Variants in CEP89 observed in about 807,000 individuals in gnomAD.
CEP89 encodes centrosomal protein of 89 kDa.
CEP89 carries 95 observed loss-of-function variants against 97.6 expected under a neutral mutation model. The ratio of observed to expected loss-of-function variants is 0.97; its 90% CI spans 0.82 to 1.15. CEP89 has a LOEUF of 1.15. Ranked by LOEUF, CEP89 falls within the 50% of genes most tolerant of loss-of-function variation. The pLI is 0.00. For missense variants in CEP89, 869 were observed against 947.7 expected (o/e 0.92, Z 1.09); for synonymous variants, 354 against 349.1 (o/e 1.01, Z -0.16).
At chr19:32,899,368 A>T (rs1014700163) in intron 16 of CEP89, among the ~76,000 whole-genome samples, 1 of 152,186 alleles carries the variant, frequency 6.6e-6, no homozygotes, top group Non-Finnish European at 1.5e-5. Flanking sequence ...TCCTGGGCTC[A>T]AATGATCCTC....
chr19:32,966,238 T>C lies in CEP89; in HGVS notation c.146+122A>G, dbSNP rs1599787322. 1.1e-5 allele frequency: 5 copies of C among 443,220 alleles called. No individual in the cohort carries two copies. The East Asian group carries it at 1.8e-4, about 16-fold the overall frequency. The allele number at this position is 443,220 out of a possible 1,614,324, so 27.5% of individuals were successfully genotyped here. A position where few individuals can be genotyped will look rare whatever the true frequency, so the allele number is the denominator to read the frequency against. ...TCATTATGGAATCGTGGTAAACATT[T>C]TGAAGGACATGATTCTAACCACCCT... On this transcript the variant is annotated intron_variant, in intron 2 of 18. Transcript: ENST00000305768.
chr19:32,963,315 C>T (rs1971207668), intron 2 of CEP89, among the ~76,000 whole-genome samples: 1 of 152,136 alleles, frequency 6.6e-6, no homozygotes. Flanking sequence ...GAAATCGTTC[C>T]ACTGCACTCC....
At chr19:32,969,275 T>A (rs1971348920) in intron 1 of CEP89, 1 of 152,464 alleles carries the variant, frequency 6.6e-6, no homozygotes, top group African/African-American at 2.4e-5. Flanking sequence ...TTCTCTGCGC[T>A]GCTCTGGCTG....
Position 32,881,992 on chromosome 19 carries a change from G to A in CEP89, c.1987C>T (p.Leu663=). The change falls in exon 18 of 19, where the codon CTG becomes TTG. Residue 663 remains leucine, a synonymous_variant. Coordinates refer to ENST00000305768, the MANE Select transcript of CEP89 (RefSeq NM_032816.5). Reference sequence around the variant, plus strand: ...CGGTGACTGATGTCCCCCAGCTTCAGTGCTGCCTGCTTCTTGTAGCCCTGG... The same window carrying A: ...CGGTGACTGATGTCCCCCAGCTTCAATGCTGCCTGCTTCTTGTAGCCCTGG... The part of the protein sequence containing the change: ...KVKGYKKQAA[L]KLGDISHRLL... The A allele has an allele frequency of 1.3e-6, 2 of 1,578,456 alleles. No homozygotes were observed. The highest frequency in any genetic ancestry group is 8.6e-7 in the Non-Finnish European group (1 of 1,161,998).
At chr19:32,941,190 A>C (rs1970679759) in intron 5 of CEP89, among the ~76,000 whole-genome samples, 2 of 152,188 alleles carry the variant, frequency 1.3e-5, no homozygotes, top group South Asian at 4.1e-4. Context: ...AAAATGCTAG[A>C]GATACATACA....
chr19:32,878,908 G>A lies in CEP89; in HGVS notation c.*254C>T, dbSNP rs1969217288. The A allele has an allele frequency of 5.6e-6, 2 of 359,916 alleles. No homozygotes were observed. Among genetic ancestry groups the A allele is most frequent in the African/African-American group, 4.2e-5 (2 of 47,584 alleles). 22.3% of individuals were successfully genotyped at this position (359,916 alleles called of 1,614,324 possible). A position where few individuals can be genotyped will look rare whatever the true frequency, so the allele number is the denominator to read the frequency against. ...TCAAACATGTTTGAGGCTGCCGTGA[G>A]CTATGATTGCACCACTGTACTCCAG... On this transcript the variant is annotated 3_prime_UTR_variant, in exon 19 of 19. Coordinates refer to ENST00000305768, the MANE Select transcript of CEP89 (RefSeq NM_032816.5).
intron 9 of CEP89, among the ~76,000 whole-genome samples, chr19:32,930,891 T>G (rs1277296333): frequency 6.6e-6 from 1 of 151,910 alleles, no homozygotes; most frequent in Non-Finnish European, 1.5e-5. Context: ...TTGTTATTTT[T>G]TTTTTAATTT....
intron 14 of CEP89, among the ~76,000 whole-genome samples, chr19:32,904,487 T>A (rs1391638601): frequency 6.6e-6 from 1 of 152,224 alleles, no homozygotes; most frequent in Non-Finnish European, 1.5e-5. Context: ...TCTTTCCACA[T>A]CTATTTGTGA....
intron 3 of CEP89, among the ~76,000 whole-genome samples, chr19:32,956,379 T>C (rs955019755): frequency 6.6e-6 from 1 of 151,430 alleles, no homozygotes; most frequent in Non-Finnish European, 1.5e-5. Context: ...TATTTTTGTT[T>C]TTTTTTTTGA....
chr19:32,941,231 G>A (rs374616284), intron 5 of CEP89, among the ~76,000 whole-genome samples: 6 of 152,030 alleles, frequency 3.9e-5, no homozygotes, highest in African/African-American at 1.2e-4. Flanking sequence ...GGTTGGGCAC[G>A]GTGGCTCATG....
At chr19:32,971,531 C>T in intron 1 of CEP89, 1 of 570,250 alleles carries the variant, frequency 1.8e-6, no homozygotes, top group Non-Finnish European at 3.1e-6. Context: ...GTGGCGCGCG[C>T]CTGTAGTCTC....
chr19:32,917,047 C>G (rs7253595), intron 13 of CEP89, among the ~76,000 whole-genome samples: 137,466 of 152,258 alleles, frequency 0.9, 62,237 homozygotes, highest in African/African-American at 0.98. Flanking sequence ...CAAAGTGAAT[C>G]GCTGTTTCTG....
chr19:32,962,002 A>G (rs1489567534), intron 2 of CEP89, among the ~76,000 whole-genome samples: 5 of 151,988 alleles, frequency 3.3e-5, no homozygotes, highest in Admixed American at 2.6e-4. Flanking sequence ...ATAAATAACT[A>G]ATAGCCTTAC....
chr19:32,937,686 G>T lies in CEP89; in HGVS notation c.625-13C>A. Reference sequence around the variant, plus strand: ...GAGGTTTTTCATCCTAGGAAAGAAAGAACATAAGAGGAATAAGTGCAGAGC... The same window carrying T: ...GAGGTTTTTCATCCTAGGAAAGAAATAACATAAGAGGAATAAGTGCAGAGC... On this transcript the variant is annotated splice_polypyrimidine_tract_variant and intron_variant, in intron 6 of 18. Coordinates refer to ENST00000305768, the MANE Select transcript of CEP89 (RefSeq NM_032816.5). The T allele has an allele frequency of 6.3e-7, 1 of 1,595,854 alleles. No individual in the cohort carries two copies. The highest frequency in any genetic ancestry group is 8.6e-7 in the Non-Finnish European group (1 of 1,166,158).
At position 32,933,476 on chromosome 19, in the gene CEP89, C is replaced by T. The variant is rs1568567966; in HGVS notation, c.861G>A (p.Glu287=). ...GMEKEKRKLK[E]AEKASSQEVA... is the part of the protein sequence containing the mutation. Reference sequence around the variant, plus strand: ...CTTCCTGTGACGACGCCTTCTCAGCCTCTTTGAGCTTTCTCTTCTCTTTTT... The same window carrying T: ...CTTCCTGTGACGACGCCTTCTCAGCTTCTTTGAGCTTTCTCTTCTCTTTTT... The change falls in exon 8 of 19, where the codon GAG becomes GAA. Residue 287 remains glutamate, a synonymous_variant. Coordinates refer to ENST00000305768, the MANE Select transcript of CEP89 (RefSeq NM_032816.5). 1 of 1,614,072 alleles carries T rather than the reference C, an allele frequency of 6.2e-7. No homozygotes were observed. Among genetic ancestry groups the T allele is most frequent in the Non-Finnish European group, 8.5e-7 (1 of 1,180,010 alleles).
At position 32,888,958 on chromosome 19, in the gene CEP89, C is replaced by T. The variant is rs955614976; in HGVS notation, c.1876-1117G>A. 5.9e-5 allele frequency among the ~76,000 whole-genome samples: 9 copies of T among 152,104 alleles called. No individual in the cohort carries two copies. The South Asian group carries it at 1.0e-3, about 18-fold the overall frequency. On this transcript the variant is annotated intron_variant, in intron 16 of 18. Transcript: ENST00000305768. ...CTGGGTAGCTAGGACTACAGGCACG[C>T]GCCACCATGCCCAGCTAATTTGGGG...
intron 17 of CEP89, among the ~76,000 whole-genome samples, chr19:32,882,305 C>G (rs10405315): frequency 0.81 from 122,860 of 152,154 alleles, 49,936 homozygotes; most frequent in African/African-American, 0.87. Flanking sequence ...GTTCATGCTT[C>G]TAATTTCAGC....
chr19:32,920,869 C>T (rs1970232814), intron 12 of CEP89, among the ~76,000 whole-genome samples: 1 of 151,852 alleles, frequency 6.6e-6, no homozygotes, highest in African/African-American at 2.4e-5. Flanking sequence ...AAGAAATATA[C>T]AAAATTTAGT....
chr19:32,925,485 CTT>C (rs67751450), intron 11 of CEP89, among the ~76,000 whole-genome samples: 18,900 of 119,392 alleles, frequency 0.16, 1,392 homozygotes, highest in African/African-American at 0.17. Flanking sequence ...CCAAATAGCC[CTT>C]TTTTTTTTTT....
Sources: allele counts gnomAD v4.1 joint callset (sites outside exome capture counted in the v4.1 genomes callset), GRCh38; gene constraint gnomAD v4.1.1; transcripts MANE v1.5; gene names NCBI Gene and HGNC (gene_info 2026-07-23, HGNC 2026-07-21).